The following PRKCB variants were observed in gnomAD, a reference collection of about 807,000 sequenced individuals.
PRKCB encodes protein kinase C beta, also known as protein kinase C beta type.
PRKCB carries 13 observed loss-of-function variants against 81.5 expected under a neutral mutation model. The observed-to-expected ratio is 0.16, with a 90% CI of 0.10 to 0.25. PRKCB has a LOEUF of 0.25. PRKCB is among the 10% of genes least tolerant of loss of function. PRKCB has a pLI of 1.00. For synonymous variants in PRKCB, 335 were observed against 321.4 expected (o/e 1.04, Z -0.45); for missense variants, 509 against 875.7 (o/e 0.58, Z 5.29).
chr16:23,992,290 A>C (rs1596502012), intron 3 of PRKCB, among the ~76,000 whole-genome samples: 1 of 152,224 alleles, frequency 6.6e-6, no homozygotes, highest in Non-Finnish European at 1.5e-5. Context: ...ATAGAGGAAC[A>C]AAATTTTAAG....
At chr16:24,152,196 G>A (rs537841467) in intron 9 of PRKCB, among the ~76,000 whole-genome samples, 1 of 152,274 alleles carries the variant, frequency 6.6e-6, no homozygotes, top group South Asian at 2.1e-4. Context: ...CATGGTGGAA[G>A]GCTAAAGTCA....
At chr16:23,957,774 C>T (rs1050303032) in intron 2 of PRKCB, among the ~76,000 whole-genome samples, 1 of 152,100 alleles carries the variant, frequency 6.6e-6, no homozygotes, top group Non-Finnish European at 1.5e-5. Flanking sequence ...TGTGTGCCCT[C>T]ACTTTCCGTA....
intron 9 of PRKCB, among the ~76,000 whole-genome samples, chr16:24,134,779 G>A (rs763760319): frequency 2.6e-5 from 4 of 151,434 alleles, no homozygotes; most frequent in Non-Finnish European, 5.9e-5. Context: ...AGACACACTG[G>A]CACACAGTTG....
intron 2 of PRKCB, among the ~76,000 whole-genome samples, chr16:23,973,325 G>A (rs1266474468): frequency 6.6e-6 from 1 of 152,120 alleles, no homozygotes; most frequent in Non-Finnish European, 1.5e-5. Context: ...GGGATTACAA[G>A]CACCCGCCAC....
At chr16:24,099,168 T>A (rs1029984699) in intron 7 of PRKCB, 2 of 152,242 alleles carry the variant, frequency 1.3e-5, no homozygotes, top group Non-Finnish European at 2.9e-5. Context: ...CTTTTCCAGA[T>A]GTCGTGGAGT....
rs777868595 is a variant in PRKCB, at chr16:24,217,566, A to G, written c.*2750A>G. On this transcript the variant is annotated 3_prime_UTR_variant, in exon 17 of 17. Coordinates refer to ENST00000643927, the MANE Select transcript of PRKCB (RefSeq NM_002738.7). ...AACTTCTACGGTAAAATCCAGGAGT[A>G]TTTTCTCTGGGGATCTGCCCACAGG... 107 of 985,308 alleles carry G rather than the reference A, an allele frequency of 1.1e-4. No individual in the cohort carries two copies. Among genetic ancestry groups the G allele is most frequent in the Non-Finnish European group, 1.2e-4 (101 of 829,958 alleles). The allele number at this position is 985,308 out of a possible 1,614,324, so 61.0% of individuals were successfully genotyped here. A position where few individuals can be genotyped will look rare whatever the true frequency, so the allele number is the denominator to read the frequency against.
chr16:23,902,459 A>G (rs11640393), intron 2 of PRKCB, among the ~76,000 whole-genome samples: 146,598 of 152,176 alleles, frequency 0.96, 70,647 homozygotes, highest in East Asian at 1. Context: ...CTTATTCTGT[A>G]CCGAGCTCTA....
intron 7 of PRKCB, among the ~76,000 whole-genome samples, chr16:24,109,359 T>C (rs1429957349): frequency 5.9e-4 from 50 of 85,324 alleles, no homozygotes; most frequent in African/African-American, 7.4e-4. Flanking sequence ...ACGGGGCGGC[T>C]GCTAGGCGGA....
Position 24,032,142 on chromosome 16 carries a change from C to A in PRKCB, c.295C>A (p.Arg99Ser). ...TTGTTTCTCTTGGCTCCAGGACCCC[C>A]GCAGCAAACACAAGTTTAAGATCCA... ...ADKGPASDDP[R>S]SKHKFKIHTY... Residue 99 changes from arginine (R) to serine (S), a missense_variant, in exon 4 of 17, where the codon CGC (arginine) becomes AGC (serine). By Grantham distance (110) the Arg-to-Ser change is moderately radical. This residue lies in a region of PRKCB where 184 missense variants were observed against 362.9 expected (regional missense o/e 0.51). Coordinates refer to ENST00000643927, the MANE Select transcript of PRKCB (RefSeq NM_002738.7). The A allele has an allele frequency of 6.2e-7, 1 of 1,612,012 alleles. No homozygotes were observed. The highest frequency in any genetic ancestry group is 8.5e-7 in the Non-Finnish European group (1 of 1,178,346).
intron 7 of PRKCB, among the ~76,000 whole-genome samples, chr16:24,097,808 A>G (rs1382422392): frequency 6.6e-6 from 1 of 152,168 alleles, no homozygotes; most frequent in Admixed American, 6.5e-5. Context: ...AGATTTTACA[A>G]TTTTCTGATT....
intron 2 of PRKCB, among the ~76,000 whole-genome samples, chr16:23,871,386 C>A (rs550570159): frequency 3.4e-4 from 52 of 152,276 alleles, no homozygotes; most frequent in African/African-American, 1.1e-3. Context: ...GTGCTCCAGG[C>A]ACTCTGCCTT....
chr16:24,105,835 A>G (rs1966570149), intron 7 of PRKCB, among the ~76,000 whole-genome samples: 1 of 152,236 alleles, frequency 6.6e-6, no homozygotes, highest in Non-Finnish European at 1.5e-5. Flanking sequence ...TGCAATAAAC[A>G]TACATGTGCA....
intron 2 of PRKCB, among the ~76,000 whole-genome samples, chr16:23,881,965 C>CCTTTCTTTCTTTCTTTCTTT (rs1192906884): frequency 1.4e-5 from 1 of 70,102 alleles, no homozygotes; most frequent in African/African-American, 4.4e-5. Flanking sequence ...TTTTTCTTTT[C>CCTTTCTTTCTTTCTTTCTTT]CTTTCTTTCT....
At chr16:24,071,837 G>A (rs2141885316) in intron 5 of PRKCB, among the ~76,000 whole-genome samples, 1 of 152,236 alleles carries the variant, frequency 6.6e-6, no homozygotes, top group Middle Eastern at 3.4e-3. Flanking sequence ...GCCGAAGAGG[G>A]CGTTGAGTTG....
chr16:24,051,037 C>T (rs1965834939), intron 5 of PRKCB, among the ~76,000 whole-genome samples: 1 of 151,994 alleles, frequency 6.6e-6, no homozygotes. Context: ...TTTGGGTCTT[C>T]CTGTTCTTGT....
rs763821320 is a variant in PRKCB, at chr16:24,214,822, TGTGTA to T, written c.*8_*12del. The T allele has an allele frequency of 4.0e-5, 65 of 1,613,166 alleles. No homozygotes were observed. The highest frequency in any genetic ancestry group is 4.7e-5 in the Non-Finnish European group (56 of 1,179,456). On this transcript the variant is annotated 3_prime_UTR_variant, in exon 17 of 17. Coordinates refer to ENST00000643927, the MANE Select transcript of PRKCB (RefSeq NM_002738.7). ...AACCCGAAGTCAAGAGCTAAGTAGATGTGTAGATCTCCGTCCTTCATTTCTGTCAT... is the reference window on the plus strand; with the variant it reads ...AACCCGAAGTCAAGAGCTAAGTAGATGATCTCCGTCCTTCATTTCTGTCAT...
At chr16:23,931,060 G>T (rs972932368) in intron 2 of PRKCB, among the ~76,000 whole-genome samples, 4 of 152,248 alleles carry the variant, frequency 2.6e-5, no homozygotes, top group African/African-American at 9.6e-5. Flanking sequence ...TGTCTTGACA[G>T]ATAAGTAAAG....
At chr16:24,120,550 C>T (rs1405206442) in intron 8 of PRKCB, among the ~76,000 whole-genome samples, 1 of 152,122 alleles carries the variant, frequency 6.6e-6, no homozygotes, top group East Asian at 1.9e-4. Flanking sequence ...CTTGCTCCTC[C>T]TCCGCTTCTT....
At chr16:24,108,985 A>AC (rs1434740004) in intron 7 of PRKCB, among the ~76,000 whole-genome samples, 1,094 of 66,274 alleles carry the variant, frequency 0.017, 12 homozygotes, top group Admixed American at 0.037. Flanking sequence ...CGGGGGACTG[A>AC]CCCCCCCACC....
Sources: allele counts gnomAD v4.1 joint callset (sites outside exome capture counted in the v4.1 genomes callset), GRCh38; gene constraint gnomAD v4.1.1; regional missense constraint gnomAD v4.1.1; transcripts MANE v1.5; gene names NCBI Gene and HGNC (gene_info 2026-07-23, HGNC 2026-07-21).